The following GPC3 variants were observed in gnomAD, a reference collection of about 807,000 sequenced individuals.
The protein encoded by GPC3 is glypican 3, also known as glypican-3.
In GPC3, 3 loss-of-function variants were observed where a neutral mutation model predicts 34.4. The ratio of observed to expected loss-of-function variants is 0.09; its 90% CI spans 0.04 to 0.23. The LOEUF is 0.23. GPC3 is among the 10% of genes least tolerant of loss of function. GPC3 has a pLI of 1.00. For synonymous variants in GPC3, 177 were observed against 174.0 expected, an observed-to-expected ratio of 1.02 and a Z score of -0.13; for missense variants, 351 against 445.6, an observed-to-expected ratio of 0.79 and a Z score of 1.91.
chrX:133,975,165 C>T (rs909444295), intron 1 of GPC3, among the ~76,000 whole-genome samples: 4 of 111,536 alleles, frequency 3.6e-5, no homozygotes, highest in Non-Finnish European at 7.5e-5. Context: ...TGCCCTATCA[C>T]CTGTGTTACT....
At chrX:133,582,330 CT>C in intron 7 of GPC3, among the ~76,000 whole-genome samples, 1 of 111,781 alleles carries the variant, frequency 8.9e-6, no homozygotes, top group East Asian at 2.8e-4. Flanking sequence ...TAACAATTGG[CT>C]CTCGTGAGCC....
chrX:133,584,930 C>CAAAAAAAAAAAAAAAAA (rs68159308), intron 7 of GPC3, among the ~76,000 whole-genome samples: 2 of 68,277 alleles, frequency 2.9e-5, no homozygotes, highest in Non-Finnish European at 5.5e-5. Flanking sequence ...TATAAAAAGC[C>CAAAAAAAAAAAAAAAAA]AAAAAAAAAA....
intron 2 of GPC3, among the ~76,000 whole-genome samples, chrX:133,862,941 G>C (rs1229718259): frequency 8.9e-6 from 1 of 112,573 alleles, no homozygotes; most frequent in Non-Finnish European, 1.9e-5. Context: ...GCATACTGTA[G>C]AAGCCGTTGC....
intron 2 of GPC3, among the ~76,000 whole-genome samples, chrX:133,853,978 T>A (rs1367805874): frequency 8.9e-6 from 1 of 112,167 alleles, no homozygotes; most frequent in Non-Finnish European, 1.9e-5. Flanking sequence ...TTTCCACTAG[T>A]CTTTGCAGCT....
At chrX:133,654,467 T>C (rs1020064848) in intron 6 of GPC3, among the ~76,000 whole-genome samples, 5 of 111,537 alleles carry the variant, frequency 4.5e-5, no homozygotes, top group African/African-American at 1.6e-4. Flanking sequence ...ATCCCAGCAC[T>C]TTGGGAGGCC....
At chrX:133,813,871 G>T (rs1052402192) in intron 2 of GPC3, among the ~76,000 whole-genome samples, 8 of 112,056 alleles carry the variant, frequency 7.1e-5, no homozygotes, top group African/African-American at 2.3e-4. Flanking sequence ...AATGGTGGGT[G>T]AATGGCATTA....
intron 7 of GPC3, among the ~76,000 whole-genome samples, chrX:133,584,451 C>T (rs1324892700): frequency 1.8e-5 from 2 of 111,873 alleles, no homozygotes; most frequent in Non-Finnish European, 3.8e-5. Flanking sequence ...CCTCGGAAAC[C>T]TGAATTTGTA....
intron 1 of GPC3, among the ~76,000 whole-genome samples, chrX:133,955,797 T>C (rs2076414066): frequency 8.9e-6 from 1 of 112,259 alleles, no homozygotes; most frequent in South Asian, 3.7e-4. Context: ...GAAATCTTAC[T>C]GAAGTCATAC....
rs140661793 is a variant in GPC3, at chrX:133,777,293, C to A, written c.338-23117G>T. 3.3e-3 allele frequency among the ~76,000 whole-genome samples: 371 copies of A among 110,981 alleles called. 3 individuals are homozygous for A. The highest frequency in any genetic ancestry group is 3.2e-3 in the Non-Finnish European group (172 of 53,035). On this transcript the variant is annotated intron_variant, in intron 2 of 7. Transcript: ENST00000370818. ...TTTTACTTTAATTCTAAGTCTCAAG[C>A]AATTCCTGTATGGTAGGCTTCTGTT...
intron 2 of GPC3, among the ~76,000 whole-genome samples, chrX:133,911,866 C>T: frequency 8.9e-6 from 1 of 111,873 alleles, no homozygotes; most frequent in East Asian, 2.8e-4. Context: ...GATCCTGTCA[C>T]AGCCTTCAAA....
chrX:133,835,834 G>C (rs1307488586), intron 2 of GPC3, among the ~76,000 whole-genome samples: 2 of 112,907 alleles, frequency 1.8e-5, no homozygotes, highest in Non-Finnish European at 3.7e-5. Context: ...CTTTCAAAAT[G>C]TTCAAATATT....
chrX:133,647,329 G>A (rs1386192032), intron 6 of GPC3, among the ~76,000 whole-genome samples: 1 of 112,498 alleles, frequency 8.9e-6, no homozygotes. Context: ...TAGCCTAACC[G>A]AGACATCCGC....
intron 1 of GPC3, among the ~76,000 whole-genome samples, chrX:133,977,710 A>G (rs1205013177): frequency 3.1e-4 from 35 of 111,745 alleles, no homozygotes; most frequent in African/African-American, 1.0e-3. Flanking sequence ...TTTGTTTTCA[A>G]ATGAACATCA....
intron 3 of GPC3, among the ~76,000 whole-genome samples, chrX:133,717,660 C>T (rs6638122): frequency 6.3e-5 from 7 of 110,642 alleles, no homozygotes; most frequent in African/African-American, 2.0e-4. Flanking sequence ...ATTGCTCACT[C>T]GGGAAGCTTG....
chrX:133,825,154 G>A (rs2075740340), intron 2 of GPC3, among the ~76,000 whole-genome samples: 1 of 112,196 alleles, frequency 8.9e-6, no homozygotes, highest in Admixed American at 9.5e-5. Flanking sequence ...TGTGCCTGGC[G>A]AAAATTACAT....
At chrX:133,913,239 C>T (rs751668934) in intron 2 of GPC3, among the ~76,000 whole-genome samples, 5 of 111,431 alleles carry the variant, frequency 4.5e-5, no homozygotes, top group Non-Finnish European at 1.9e-5. Flanking sequence ...GACTTTCCAT[C>T]ACAAAGGAGA....
intron 3 of GPC3, among the ~76,000 whole-genome samples, chrX:133,725,067 A>C (rs1372510016): frequency 8.9e-6 from 1 of 111,743 alleles, no homozygotes; most frequent in Non-Finnish European, 1.9e-5. Context: ...AGGGTCAGTA[A>C]AGCAACAGAG....
chrX:133,598,592 T>C (rs1472977189), intron 6 of GPC3, among the ~76,000 whole-genome samples: 1 of 111,966 alleles, frequency 8.9e-6, no homozygotes, highest in Non-Finnish European at 1.9e-5. Context: ...AGATATGTCA[T>C]GGGAAAAGAG....
intron 5 of GPC3, among the ~76,000 whole-genome samples, chrX:133,680,796 C>G (rs754540463): frequency 9.0e-6 from 1 of 111,520 alleles, no homozygotes; most frequent in Non-Finnish European, 1.9e-5. Context: ...CTCTATAAAG[C>G]AGTCATAGGA....
Sources: allele counts gnomAD v4.1 joint callset (sites outside exome capture counted in the v4.1 genomes callset), GRCh38; gene constraint gnomAD v4.1.1; transcripts MANE v1.5; gene names NCBI Gene and HGNC (gene_info 2026-07-23, HGNC 2026-07-21).